LRP1B: variants seen among roughly 807,000 people sequenced by gnomAD.
LRP1B encodes the protein low-density lipoprotein receptor-related protein 1B.
Under a neutral mutation model 556.6 loss-of-function variants are expected in LRP1B, and 217 were observed. The ratio of observed to expected loss-of-function variants is 0.39; its 90% CI spans 0.35 to 0.44. The LOEUF (loss-of-function observed/expected upper bound fraction) is 0.44. Ranked by LOEUF, LRP1B falls within the 20% of genes least tolerant of loss-of-function variation. The pLI is 1.00. For synonymous variants in LRP1B, 2,047 were observed against 1,865.8 expected, an observed-to-expected ratio of 1.10 and a Z score of -2.50; for missense variants, 5,053 against 5,620.8, an observed-to-expected ratio of 0.90 and a Z score of 3.23.
intron 2 of LRP1B, among the ~76,000 whole-genome samples, chr2:141,489,637 A>C (rs2105109320): frequency 6.6e-6 from 1 of 152,216 alleles, no homozygotes; most frequent in Admixed American, 6.5e-5. Context: ...ACTTTCCCAG[A>C]ACAGTGTTTA....
At chr2:142,120,777 G>A (rs1235558215) in intron 1 of LRP1B, among the ~76,000 whole-genome samples, 1 of 152,104 alleles carries the variant, frequency 6.6e-6, no homozygotes, top group African/African-American at 2.4e-5. Flanking sequence ...AATACTGTGA[G>A]TCAGACTCAA....
intron 60 of LRP1B, among the ~76,000 whole-genome samples, chr2:140,466,985 T>C (rs555647700): frequency 6.6e-6 from 1 of 152,284 alleles, no homozygotes; most frequent in South Asian, 2.1e-4. Context: ...TCAGTCAAAA[T>C]AGAATTTTCT....
At chr2:141,583,440 A>G (rs16846530) in intron 2 of LRP1B, among the ~76,000 whole-genome samples, 39,151 of 151,868 alleles carry the variant, frequency 0.26, 6,189 homozygotes, top group East Asian at 0.49. Context: ...AATACCGATC[A>G]TCAAGTGGTA....
Position 140,455,042 on chromosome 2 carries a change from G to T in LRP1B, c.9963+1413C>A, listed in dbSNP as rs960992372. Among the ~76,000 whole-genome samples, 6 of 152,096 alleles carry T rather than the reference G, an allele frequency of 3.9e-5. No homozygotes were observed. In the South Asian group the frequency reaches 1.2e-3, roughly 32 times the overall value. On this transcript the variant is annotated intron_variant, in intron 62 of 90. Coordinates refer to ENST00000389484, the MANE Select transcript of LRP1B (RefSeq NM_018557.3). ...AGATTATTTTAGAATAACCTGGATG[G>T]AGGTTACCTGAAAATTTGACTAAAT...
intron 1 of LRP1B, among the ~76,000 whole-genome samples, chr2:142,122,731 GA>G (rs951146867): frequency 2.6e-5 from 4 of 152,008 alleles, no homozygotes; most frequent in African/African-American, 9.7e-5. Flanking sequence ...TCTCACTCAC[GA>G]GGTGGTGTCA....
intron 77 of LRP1B, among the ~76,000 whole-genome samples, chr2:140,340,560 G>A (rs1681339047): frequency 6.6e-6 from 1 of 151,282 alleles, no homozygotes; most frequent in Non-Finnish European, 1.5e-5. Context: ...GGATACCTCT[G>A]ACAATTACAA....
intron 31 of LRP1B, among the ~76,000 whole-genome samples, chr2:140,832,585 A>G (rs1035386255): frequency 6.6e-6 from 1 of 152,202 alleles, no homozygotes; most frequent in African/African-American, 2.4e-5. Context: ...AAATTCTGTC[A>G]TTGGCAACAT....
At chr2:141,903,381 C>A (rs1699675730) in intron 1 of LRP1B, among the ~76,000 whole-genome samples, 3 of 151,872 alleles carry the variant, frequency 2.0e-5, no homozygotes. Context: ...AGGTCCATGT[C>A]TAACTAGAGC....
rs1402834512 is a variant in LRP1B at position 140,350,943 on chromosome 2, G to C, written c.11746C>G (p.His3916Asp). Residue 3916 changes from histidine to aspartate, a missense_variant, in exon 77 of 91, where the codon CAT becomes GAT. By Grantham distance (81) the His-to-Asp change is moderately conservative. This residue lies in a region of LRP1B where 599 missense variants were observed against 648.4 expected (regional missense o/e 0.92). Coordinates refer to ENST00000389484, the MANE Select transcript of LRP1B (RefSeq NM_018557.3). Reference sequence around the variant, plus strand: ...GTTATTCTTGAATTATGTTCAATATGAGAAATTTGTTGATGATCGCCACTG... The same window carrying C: ...GTTATTCTTGAATTATGTTCAATATCAGAAATTTGTTGATGATCGCCACTG... ...NYSGDHQQIS[H>D]IEHNSRITGM... 6.2e-7 allele frequency: 1 copy of C among 1,610,436 alleles called. No individual in the cohort carries two copies. Among genetic ancestry groups the C allele is most frequent in the African/African-American group, 1.3e-5 (1 of 74,860 alleles).
At chr2:141,474,714 GC>G (rs748312010) in intron 3 of LRP1B, among the ~76,000 whole-genome samples, 10 of 152,078 alleles carry the variant, frequency 6.6e-5, no homozygotes, top group Non-Finnish European at 1.2e-4. Context: ...GATCAAATAT[GC>G]CAATTAATTA....
chr2:141,127,624 C>A (rs1306510826), intron 7 of LRP1B, among the ~76,000 whole-genome samples: 2 of 152,144 alleles, frequency 1.3e-5, no homozygotes, highest in African/African-American at 2.4e-5. Flanking sequence ...TGTCCTACAT[C>A]TCCTCCTCTG....
chr2:140,993,007 C>T (rs12471645), intron 16 of LRP1B, among the ~76,000 whole-genome samples: 16,388 of 151,912 alleles, frequency 0.11, 978 homozygotes, highest in East Asian at 0.2. Flanking sequence ...TTTTAAAGTT[C>T]ATATTCTTGA....
intron 17 of LRP1B, among the ~76,000 whole-genome samples, chr2:140,988,523 G>A (rs1368103301): frequency 2.6e-5 from 4 of 151,916 alleles, no homozygotes; most frequent in Non-Finnish European, 5.9e-5. Context: ...GGGAAAATCT[G>A]GAAACAATTT....
chr2:141,417,799 G>T (rs1372539593), intron 3 of LRP1B, among the ~76,000 whole-genome samples: 2 of 138,650 alleles, frequency 1.4e-5, no homozygotes, highest in African/African-American at 5.3e-5. Flanking sequence ...TACTGTTTTA[G>T]ATAGGAGCTG....
At chr2:140,708,198 T>G (rs761693085) in intron 37 of LRP1B, among the ~76,000 whole-genome samples, 2 of 152,066 alleles carry the variant, frequency 1.3e-5, no homozygotes, top group Non-Finnish European at 2.9e-5. Flanking sequence ...TGAACAATGA[T>G]AATGTTGAAG....
intron 2 of LRP1B, among the ~76,000 whole-genome samples, chr2:141,533,828 C>G (rs1020992560): frequency 1.3e-5 from 2 of 152,112 alleles, no homozygotes; most frequent in African/African-American, 4.8e-5. Context: ...TTAATGGCAT[C>G]CCTATCTTCA....
At chr2:142,045,840 T>C (rs1458170833) in intron 1 of LRP1B, among the ~76,000 whole-genome samples, 2 of 151,842 alleles carry the variant, frequency 1.3e-5, no homozygotes, top group African/African-American at 4.8e-5. Flanking sequence ...AGCCTCCGTC[T>C]CTTTGGCAAC....
intron 1 of LRP1B, among the ~76,000 whole-genome samples, chr2:142,042,779 C>G (rs909471005): frequency 2.6e-5 from 4 of 151,512 alleles, no homozygotes; most frequent in African/African-American, 9.7e-5. Flanking sequence ...GGAATTTATC[C>G]AGGGATAGAA....
chr2:141,469,340 T>A (rs1008543373), intron 3 of LRP1B, among the ~76,000 whole-genome samples: 1 of 152,230 alleles, frequency 6.6e-6, no homozygotes, highest in Non-Finnish European at 1.5e-5. Context: ...GAATATTACT[T>A]AATGTATTGC....
Sources: gnomAD v4.1 joint callset for allele counts (sites outside exome capture counted in the v4.1 genomes callset) on GRCh38, gnomAD v4.1.1 for gene constraint, gnomAD v4.1.1 regional missense constraint, MANE v1.5 for transcripts, NCBI Gene and HGNC (gene_info 2026-07-23, HGNC 2026-07-21) for gene names.